TACC2: variants seen among roughly 807,000 people sequenced by gnomAD.
TACC2 encodes transforming acidic coiled-coil-containing protein 2.
In TACC2, 137 loss-of-function variants were observed where a neutral mutation model predicts 227.3. The ratio of observed to expected loss-of-function variants is 0.60; its 90% CI spans 0.52 to 0.69. TACC2 has a LOEUF of 0.69. Among genes scored for constraint, TACC2 ranks in the 30% least tolerant of loss-of-function variants. TACC2 has a pLI of 0.00. For synonymous variants in TACC2, 1,523 were observed against 1,487.5 expected (o/e 1.02, Z -0.55); for missense variants, 3,470 against 3,694.4 (o/e 0.94, Z 1.57).
At chr10:122,119,796 G>A (rs1386337693) in intron 5 of TACC2, among the ~76,000 whole-genome samples, 5 of 152,068 alleles carry the variant, frequency 3.3e-5, no homozygotes, top group Admixed American at 1.3e-4. Context: ...GTATGCACCC[G>A]TCATCTCAGC....
intron 2 of TACC2, among the ~76,000 whole-genome samples, chr10:122,027,691 G>C (rs543494903): frequency 6.6e-6 from 1 of 151,618 alleles, no homozygotes; most frequent in African/African-American, 2.4e-5. Context: ...TTGCACCTAT[G>C]ACGTTCCCTA....
At chr10:122,088,881 G>T in intron 5 of TACC2, 1 of 821,902 alleles carries the variant, frequency 1.2e-6, no homozygotes, top group Non-Finnish European at 1.9e-6. Context: ...AACACTTTGG[G>T]AGGTCGAGGC....
At chr10:122,192,536 G>A (rs958030897) in intron 7 of TACC2, 27 of 379,118 alleles carry the variant, frequency 7.1e-5, no homozygotes, top group Middle Eastern at 5.5e-4. Context: ...CGGGGCCTCC[G>A]GACGCTGGAG....
At chr10:122,117,567 T>C (rs2084934591) in intron 5 of TACC2, among the ~76,000 whole-genome samples, 1 of 152,172 alleles carries the variant, frequency 6.6e-6, no homozygotes, top group Non-Finnish European at 1.5e-5. Context: ...TATGGGGCTC[T>C]TGTTAGGTCT....
At chr10:122,048,301 A>G (rs1591446052) in intron 2 of TACC2, among the ~76,000 whole-genome samples, 1 of 151,864 alleles carries the variant, frequency 6.6e-6, no homozygotes, top group Non-Finnish European at 1.5e-5. Context: ...CTCTGTGTGC[A>G]CACCCCTGCA....
intron 2 of TACC2, among the ~76,000 whole-genome samples, chr10:122,042,410 T>C (rs1332992812): frequency 3.3e-5 from 5 of 151,978 alleles, no homozygotes; most frequent in African/African-American, 4.8e-5. Flanking sequence ...GCCCAGCTAA[T>C]TTTTCTATTT....
intron 16 of TACC2, among the ~76,000 whole-genome samples, chr10:122,236,650 A>G (rs1014349805): frequency 2.0e-5 from 3 of 152,210 alleles, no homozygotes; most frequent in African/African-American, 7.2e-5. Flanking sequence ...TAAAGCCTCA[A>G]CCAACATCAG....
rs922851685 is a variant in TACC2, at chr10:122,163,651, C to T, written c.5834+19945C>T. ...CGGCGCTCACGCTCATACCCGCACG[C>T]CCCGGGCAGAGCCGCGCACGCCGGC... On this transcript the variant is annotated intron_variant, in intron 7 of 22. Transcript: ENST00000369005. 4.8e-6 allele frequency: 5 copies of T among 1,044,196 alleles called. No homozygotes were observed. In the African/African-American group the frequency reaches 5.1e-5, roughly 11 times the overall value. The allele number at this position is 1,044,196 out of a possible 1,614,324, so 64.7% of individuals were successfully genotyped here. A position where few individuals can be genotyped will look rare whatever the true frequency, so the allele number is the denominator to read the frequency against.
chr10:122,219,105 C>G (rs866140134), intron 11 of TACC2, among the ~76,000 whole-genome samples: 2 of 151,780 alleles, frequency 1.3e-5, no homozygotes, highest in Non-Finnish European at 2.9e-5. Context: ...CCTTTGGATC[C>G]TTATTTCTCT....
chr10:122,107,003 G>A (rs947013609), intron 5 of TACC2, among the ~76,000 whole-genome samples: 1 of 152,224 alleles, frequency 6.6e-6, no homozygotes, highest in African/African-American at 2.4e-5. Context: ...TGATGGTCAG[G>A]AGCCATGCTG....
At chr10:122,203,725 G>T (rs2094979907) in intron 8 of TACC2, among the ~76,000 whole-genome samples, 1 of 151,970 alleles carries the variant, frequency 6.6e-6, no homozygotes, top group African/African-American at 2.4e-5. Flanking sequence ...GGGCGGCCAG[G>T]CAGAGACGCT....
intron 5 of TACC2, among the ~76,000 whole-genome samples, chr10:122,129,090 T>A (rs913649877): frequency 6.7e-6 from 1 of 148,614 alleles, no homozygotes; most frequent in Non-Finnish European, 1.5e-5. Flanking sequence ...TTATTATTAT[T>A]ATTATTTGAG....
intron 7 of TACC2, among the ~76,000 whole-genome samples, chr10:122,147,303 C>G (rs1380321328): frequency 6.6e-6 from 1 of 152,176 alleles, no homozygotes; most frequent in African/African-American, 2.4e-5. Flanking sequence ...CGCCACTACG[C>G]CTGGCTAATT....
chr10:122,032,651 T>C (rs571422409), intron 2 of TACC2, among the ~76,000 whole-genome samples: 1 of 152,130 alleles, frequency 6.6e-6, no homozygotes, highest in African/African-American at 2.4e-5. Flanking sequence ...GCATGCCTCA[T>C]GGATTTGGCC....
chr10:122,125,371 AT>A (rs71022902), intron 5 of TACC2, among the ~76,000 whole-genome samples: 1 of 150,596 alleles, frequency 6.6e-6, no homozygotes, highest in African/African-American at 2.5e-5. Flanking sequence ...AATTTCTTGT[AT>A]TTTTTTTTAG....
rs1227165679 is a variant in TACC2, at chr10:122,107,878, ATATT to A, written c.5573+19289_5573+19292del. ...CAAAGTCCATTATATATATATATAT[ATATT>A]TTTTTTTTCTTTTTTCTTTTTTTTT... On this transcript the variant is annotated intron_variant, in intron 5 of 22. Coordinates refer to ENST00000369005, the MANE Select transcript of TACC2 (RefSeq NM_206862.4). Among the ~76,000 whole-genome samples the A allele has an allele frequency of 2.9e-3, 253 of 88,428 alleles. 1 individual carries two copies. The highest frequency in any genetic ancestry group is 0.012 in the African/African-American group (240 of 20,330). 58.0% of individuals were successfully genotyped at this position (88,428 alleles called of 152,430 possible).
At position 122,253,915 on chromosome 10, in the gene TACC2, C is replaced by T; in HGVS notation, c.8782-76C>T. 8 of 1,279,274 alleles carry T rather than the reference C, an allele frequency of 6.3e-6. 1 individual carries two copies. The Middle Eastern group carries it at 1.5e-3, about 237-fold the overall frequency. 79.2% of individuals were successfully genotyped at this position (1,279,274 alleles called of 1,614,324 possible). ...CAAGGGGCCTGGTGGTCCCCCATCT[C>T]CCCAAAAAGCCCCATGAGCATTCTG... On this transcript the variant is annotated intron_variant, in intron 22 of 22. Coordinates refer to ENST00000369005, the MANE Select transcript of TACC2 (RefSeq NM_206862.4).
rs565269189 is a variant in TACC2, at chr10:122,130,684, A to T, written c.5574-1925A>T. 2.0e-4 allele frequency among the ~76,000 whole-genome samples: 30 copies of T among 152,270 alleles called. No homozygotes were observed. The South Asian group carries it at 6.0e-3, about 31-fold the overall frequency. On this transcript the variant is annotated intron_variant, in intron 5 of 22. Coordinates refer to ENST00000369005, the MANE Select transcript of TACC2 (RefSeq NM_206862.4). ...GGTTTGTATCCTGGTTCTGCCACTT[A>T]GCTGCTGTTCAACCTTCGACAAGCT...
chr10:122,152,589 A>T (rs540104755), intron 7 of TACC2, among the ~76,000 whole-genome samples: 44 of 152,356 alleles, frequency 2.9e-4, no homozygotes, highest in Middle Eastern at 3.4e-3. Context: ...TGACTTGATG[A>T]CATGATTCCC....
Sources: allele counts gnomAD v4.1 joint callset (sites outside exome capture counted in the v4.1 genomes callset), GRCh38; gene constraint gnomAD v4.1.1; transcripts MANE v1.5; gene names NCBI Gene and HGNC (gene_info 2026-07-23, HGNC 2026-07-21).